Variants in FBXL7 observed in about 807,000 individuals in gnomAD.
The protein encoded by FBXL7 is F-box and leucine rich repeat protein 7.
A neutral mutation model predicts 38.3 loss-of-function variants in FBXL7; 12 were observed. That is an observed-to-expected ratio of 0.31 (90% CI 0.20 to 0.51). The LOEUF (loss-of-function observed/expected upper bound fraction) is 0.51. FBXL7 is among the 20% of genes least tolerant of loss of function. The pLI is 0.98. For synonymous variants in FBXL7, 297 were observed against 300.9 expected (o/e 0.99, Z 0.13); for missense variants, 567 against 676.4 (o/e 0.84, Z 1.79).
At chr5:15,598,147 A>G (rs535317589) in intron 1 of FBXL7, among the ~76,000 whole-genome samples, 2 of 152,332 alleles carry the variant, frequency 1.3e-5, no homozygotes, top group East Asian at 3.9e-4. Flanking sequence ...TGGAAGCTGA[A>G]TTAAAGTTTT....
intron 2 of FBXL7, among the ~76,000 whole-genome samples, chr5:15,638,554 T>G (rs1024009627): frequency 4.6e-5 from 7 of 151,966 alleles, no homozygotes; most frequent in Non-Finnish European, 1.0e-4. Flanking sequence ...ATTGCATAAT[T>G]CCAGTGTCGA....
intron 2 of FBXL7, among the ~76,000 whole-genome samples, chr5:15,863,056 A>G (rs1184993721): frequency 6.6e-6 from 1 of 152,138 alleles, no homozygotes; most frequent in Non-Finnish European, 1.5e-5. Flanking sequence ...ATCTCGGTTG[A>G]CTGCAATCCC....
chr5:15,904,899 G>A (rs193081311), intron 2 of FBXL7, among the ~76,000 whole-genome samples: 82 of 152,170 alleles, frequency 5.4e-4, no homozygotes, highest in Middle Eastern at 3.4e-3. Context: ...ATGCAACATC[G>A]TAGTATGTAA....
At chr5:15,921,752 A>G (rs1741747664) in intron 2 of FBXL7, among the ~76,000 whole-genome samples, 1 of 152,246 alleles carries the variant, frequency 6.6e-6, no homozygotes. Context: ...GGTGCTCAAT[A>G]TCACTAATCA....
At chr5:15,702,107 C>T (rs769677169) in intron 2 of FBXL7, among the ~76,000 whole-genome samples, 2 of 151,796 alleles carry the variant, frequency 1.3e-5, no homozygotes, top group African/African-American at 2.4e-5. Context: ...GAGTGCTGGC[C>T]GGTTCCTGTA....
intron 1 of FBXL7, among the ~76,000 whole-genome samples, chr5:15,552,918 C>T (rs1282257780): frequency 6.6e-6 from 1 of 152,044 alleles, no homozygotes; most frequent in Non-Finnish European, 1.5e-5. Flanking sequence ...CTTATCTCTA[C>T]TAAAAATACA....
intron 2 of FBXL7, among the ~76,000 whole-genome samples, chr5:15,752,618 T>C (rs1684463492): frequency 6.6e-6 from 1 of 152,002 alleles, no homozygotes; most frequent in African/African-American, 2.4e-5. Context: ...AGAGTTGTAA[T>C]TTTTTTTGAA....
At chr5:15,635,712 T>C (rs144774904) in intron 2 of FBXL7, among the ~76,000 whole-genome samples, 1 of 152,250 alleles carries the variant, frequency 6.6e-6, no homozygotes, top group East Asian at 1.9e-4. Context: ...ACAGTTCATA[T>C]AGGACCTTCT....
At chr5:15,841,642 T>C (rs1738748777) in intron 2 of FBXL7, among the ~76,000 whole-genome samples, 1 of 152,126 alleles carries the variant, frequency 6.6e-6, no homozygotes, top group African/African-American at 2.4e-5. Context: ...GTAAAATACA[T>C]TTTCCCTATG....
chr5:15,617,259 A>G (rs932246170), intron 2 of FBXL7, among the ~76,000 whole-genome samples: 2 of 152,172 alleles, frequency 1.3e-5, no homozygotes, highest in African/African-American at 4.8e-5. Context: ...CGTTTTCCCA[A>G]CATCGTAAGG....
intron 2 of FBXL7, among the ~76,000 whole-genome samples, chr5:15,663,676 T>G (rs751102075): frequency 1.3e-5 from 2 of 152,202 alleles, no homozygotes; most frequent in Non-Finnish European, 2.9e-5. Context: ...GAAGCCTACT[T>G]TATCGTGGTG....
At chr5:15,855,263 A>T (rs1739222218) in intron 2 of FBXL7, among the ~76,000 whole-genome samples, 1 of 152,180 alleles carries the variant, frequency 6.6e-6, no homozygotes, top group Non-Finnish European at 1.5e-5. Flanking sequence ...AATATAAAAA[A>T]GCTCAGAAGA....
chr5:15,631,539 T>G (rs972852311), intron 2 of FBXL7, among the ~76,000 whole-genome samples: 1 of 151,104 alleles, frequency 6.6e-6, no homozygotes, highest in African/African-American at 2.4e-5. Context: ...CTACTAAAAA[T>G]ACAAAAAATT....
At chr5:15,871,835 A>G (rs1464116929) in intron 2 of FBXL7, among the ~76,000 whole-genome samples, 2 of 152,218 alleles carry the variant, frequency 1.3e-5, no homozygotes, top group Non-Finnish European at 2.9e-5. Context: ...AGTGATGGGG[A>G]GAATGGAACC....
intron 1 of FBXL7, among the ~76,000 whole-genome samples, chr5:15,600,972 G>T (rs920106956): frequency 6.6e-6 from 1 of 152,206 alleles, no homozygotes; most frequent in Non-Finnish European, 1.5e-5. Context: ...CTGTTGAAAG[G>T]TGATACTAGT....
chr5:15,870,764 C>G (rs1037500308), intron 2 of FBXL7, among the ~76,000 whole-genome samples: 3 of 152,212 alleles, frequency 2.0e-5, no homozygotes, highest in Non-Finnish European at 4.4e-5. Context: ...TCTCTAGATT[C>G]CTCCTCTCTG....
At chr5:15,518,934 G>A (rs1472202939) in intron 1 of FBXL7, among the ~76,000 whole-genome samples, 1 of 152,142 alleles carries the variant, frequency 6.6e-6, no homozygotes, top group Admixed American at 6.5e-5. Flanking sequence ...GAGAAACAAT[G>A]ACAAATGAAA....
At chr5:15,597,919 G>C (rs1236569428) in intron 1 of FBXL7, among the ~76,000 whole-genome samples, 1 of 152,192 alleles carries the variant, frequency 6.6e-6, no homozygotes, top group Non-Finnish European at 1.5e-5. Flanking sequence ...CTCCTAAGTT[G>C]TTATATTCAA....
At chr5:15,672,262 C>T (rs1029565100) in intron 2 of FBXL7, among the ~76,000 whole-genome samples, 13 of 152,128 alleles carry the variant, frequency 8.5e-5, no homozygotes, top group African/African-American at 2.7e-4. Flanking sequence ...TGGATTTCTT[C>T]CAGGAACATT....
Sources: gnomAD v4.1 joint callset for allele counts (sites outside exome capture counted in the v4.1 genomes callset) on GRCh38, gnomAD v4.1.1 for gene constraint, MANE v1.5 for transcripts, NCBI Gene and HGNC (gene_info 2026-07-23, HGNC 2026-07-21) for gene names.